Variants in TUBA1A observed in about 807,000 individuals in gnomAD.
TUBA1A encodes the protein tubulin alpha 1a.
TUBA1A carries 7 observed loss-of-function variants against 34.6 expected under a neutral mutation model. The observed-to-expected ratio is 0.20, with a 90% CI of 0.11 to 0.38. The LOEUF is 0.38. TUBA1A is among the 10% of genes least tolerant of loss of function. The pLI, the probability that TUBA1A is intolerant of heterozygous loss-of-function variation, is 1.00. For synonymous variants in TUBA1A, 193 were observed against 210.2 expected (o/e 0.92, Z 0.71); for missense variants, 19 against 581.3 (o/e 0.03, Z 9.95).
Position 49,186,196 on chromosome 12 carries a change from T to C in TUBA1A, c.375+114A>G, listed in dbSNP as rs1942178278. On this transcript the variant is annotated intron_variant, in intron 3 of 3. Coordinates refer to ENST00000301071, the MANE Select transcript of TUBA1A (RefSeq NM_006009.4). The surrounding 1 kb of genome is among the most constrained non-coding windows in gnomAD (Gnocchi z 6.6). Reference sequence around the variant, plus strand: ...ATTTTAAAAACCCCAAAAGAATGACTCATTCCACTCTTTATTAAAATAACA... The same window carrying C: ...ATTTTAAAAACCCCAAAAGAATGACCCATTCCACTCTTTATTAAAATAACA... 1 of 1,599,766 alleles carries C rather than the reference T, an allele frequency of 6.3e-7. No homozygotes were observed. The highest frequency in any genetic ancestry group is 1.3e-5 in the African/African-American group (1 of 74,466).
chr12:49,188,160 T>C lies in TUBA1A; in HGVS notation c.3+817A>G, dbSNP rs1481827538. The C allele has an allele frequency of 1.0e-6, 1 of 983,564 alleles. No individual in the cohort carries two copies. The highest frequency in any genetic ancestry group is 1.8e-5 in the African/African-American group (1 of 56,400). The allele number at this position is 983,564 out of a possible 1,614,324, so 60.9% of individuals were successfully genotyped here. The stretch of plus-strand genomic sequence containing the variant: ...GTCCCCAGACCAGACATTAAAGAGC[T>C]TGTGAAGTGAATTATGATTTTGCTC... On this transcript the variant is annotated intron_variant, in intron 1 of 3. Transcript: ENST00000301071. The surrounding 1 kb of genome is among the most constrained non-coding windows in gnomAD (Gnocchi z 4.9).
At chr12:49,187,559 G>A (rs1277818086) in intron 1 of TUBA1A, 11 of 985,196 alleles carry the variant, frequency 1.1e-5, no homozygotes, top group Non-Finnish European at 1.3e-5. Flanking sequence ...AACGGGATGC[G>A]GAGTATAATT....
chr12:49,186,513 G>C lies in TUBA1A; in HGVS notation c.227-55C>G, dbSNP rs769814010. The C allele has an allele frequency of 1.6e-5, 25 of 1,612,700 alleles. No individual in the cohort carries two copies. Among genetic ancestry groups the C allele is most frequent in the African/African-American group, 1.1e-4 (8 of 74,834 alleles). On this transcript the variant is annotated intron_variant, in intron 2 of 3. Transcript: ENST00000301071. This position sits in a 1 kb window ranked among gnomAD's most constrained non-coding sequence, Gnocchi z 6.6. ...GGGAGGAGGAGGAGGGACGAGGAGC[G>C]GGGAGGGAGAGTGGGTGAGTGACCA...
Position 49,186,014 on chromosome 12 carries a change from G to A in TUBA1A, c.376-24C>T, listed in dbSNP as rs1942176442. 1 of 1,613,860 alleles carries A rather than the reference G, an allele frequency of 6.2e-7. No homozygotes were observed. The highest frequency in any genetic ancestry group is 8.5e-7 in the Non-Finnish European group (1 of 1,179,990). ...GCCTATAACAAAAGAGAGGAACAGAGGAAAGGTTAAGTTTTTATTCTTTGT... is the reference window on the plus strand; with the variant it reads ...GCCTATAACAAAAGAGAGGAACAGAAGAAAGGTTAAGTTTTTATTCTTTGT... On this transcript the variant is annotated intron_variant, in intron 3 of 3. Coordinates refer to ENST00000301071, the MANE Select transcript of TUBA1A (RefSeq NM_006009.4). The surrounding 1 kb of genome is among the most constrained non-coding windows in gnomAD (Gnocchi z 6.6).
In TUBA1A at chr12:49,186,139, C is replaced by A; in HGVS notation, c.376-149G>T. The A allele has an allele frequency of 6.6e-7, 1 of 1,522,718 alleles. No homozygotes were observed. Among genetic ancestry groups the A allele is most frequent in the South Asian group, 1.2e-5 (1 of 81,126 alleles). The allele number at this position is 1,522,718 out of a possible 1,614,324, so 94.3% of individuals were successfully genotyped here. Reference sequence around the variant, plus strand: ...TTTAAAAAATTCTCATTAACATTTACAAAATGACATCAAATAGTTCATTTT... The same window carrying A: ...TTTAAAAAATTCTCATTAACATTTAAAAAATGACATCAAATAGTTCATTTT... On this transcript the variant is annotated intron_variant, in intron 3 of 3. Transcript: ENST00000301071. This position sits in a 1 kb window ranked among gnomAD's most constrained non-coding sequence, Gnocchi z 6.6.
At position 49,189,023 on chromosome 12, in the gene TUBA1A, G is replaced by T. The variant is rs1234341950; in HGVS notation, c.-44C>A. ...GCCGAGCTGATGGCGGAGACGAAGA[G>T]GAGAGGTTGTTGCTTCTTACAGCGC... is the stretch of plus-strand genomic sequence containing the variant. On this transcript the variant is annotated 5_prime_UTR_variant, in exon 1 of 4. Transcript: ENST00000301071. The T allele has an allele frequency of 6.2e-7, 1 of 1,613,726 alleles. No individual in the cohort carries two copies. The highest frequency in any genetic ancestry group is 1.7e-5 in the Admixed American group (1 of 60,014).
In TUBA1A at chr12:49,187,618, T is replaced by C. The variant is rs1942197237; in HGVS notation, c.4-785A>G. The C allele has an allele frequency of 4.1e-6, 4 of 984,118 alleles. No homozygotes were observed. The South Asian group carries it at 1.9e-4, about 46-fold the overall frequency. 61.0% of individuals were successfully genotyped at this position (984,118 alleles called of 1,614,324 possible). On this transcript the variant is annotated intron_variant, in intron 1 of 3. Coordinates refer to ENST00000301071, the MANE Select transcript of TUBA1A (RefSeq NM_006009.4). ...TTACTTTTTTTTTTAAAAAAAAAGG[T>C]TTTTCCAGATCTTCTCCACTGTAAA...
Position 49,188,021 on chromosome 12 carries a change from CAG to C in TUBA1A, c.3+954_3+955del, listed in dbSNP as rs1346596180. 4.8e-4 allele frequency: 472 copies of C among 977,540 alleles called. 2 individuals are homozygous for C. In the African/African-American group the frequency reaches 7.6e-3, roughly 16 times the overall value. The allele number at this position is 977,540 out of a possible 1,614,324, so 60.6% of individuals were successfully genotyped here. On this transcript the variant is annotated intron_variant, in intron 1 of 3. Transcript: ENST00000301071. This position sits in a 1 kb window ranked among gnomAD's most constrained non-coding sequence, Gnocchi z 4.9. ...TGAACGTGCAGTCCAGACAGACAGACAGACACACACACACACACACACACACT... is the reference window on the plus strand; with the variant it reads ...TGAACGTGCAGTCCAGACAGACAGACACACACACACACACACACACACACT...
intron 1 of TUBA1A, chr12:49,187,702 C>G: frequency 2.8e-5 from 27 of 970,538 alleles, no homozygotes; most frequent in Non-Finnish European, 3.3e-5. Flanking sequence ...AAGTTAGAAA[C>G]AAGCATCACA....
At position 49,186,501 on chromosome 12, in the gene TUBA1A, G is replaced by C; in HGVS notation, c.227-43C>G. The C allele has an allele frequency of 1.9e-6, 3 of 1,612,846 alleles. No individual in the cohort carries two copies. In the South Asian group the frequency reaches 3.3e-5, roughly 18 times the overall value. On this transcript the variant is annotated intron_variant, in intron 2 of 3. Coordinates refer to ENST00000301071, the MANE Select transcript of TUBA1A (RefSeq NM_006009.4). This position sits in a 1 kb window ranked among gnomAD's most constrained non-coding sequence, Gnocchi z 6.6. ...GGAGGAGCAGGGGGGAGGAGGAGGA[G>C]GGACGAGGAGCGGGGAGGGAGAGTG...
rs749375580 is a variant in TUBA1A at position 49,186,645 on chromosome 12, C to T, written c.192G>A (p.Arg64=). ...TGGGTTCCAAGTCTACAAACACTGC[C>T]CGGGGCACATGCTTGCCAGCCCCCG... is the stretch of plus-strand genomic sequence containing the variant. ...SETGAGKHVP[R]AVFVDLEPTV... The change falls in exon 2 of 4, where the codon CGG becomes CGA. Residue 64 remains arginine (R), a synonymous_variant. Transcript: ENST00000301071. This position sits in a 1 kb window ranked among gnomAD's most constrained non-coding sequence, Gnocchi z 6.6. 9 of 1,614,164 alleles carry T rather than the reference C, an allele frequency of 5.6e-6. No individual in the cohort carries two copies. The highest frequency in any genetic ancestry group is 5.5e-5 in the South Asian group (5 of 91,076).
chr12:49,188,901 C>A lies in TUBA1A; in HGVS notation c.3+76G>T, dbSNP rs1274988700. 11 of 1,613,830 alleles carry A rather than the reference C, an allele frequency of 6.8e-6. No individual in the cohort carries two copies. Among genetic ancestry groups the A allele is most frequent in the Non-Finnish European group, 9.3e-6 (11 of 1,180,026 alleles). On this transcript the variant is annotated intron_variant, in intron 1 of 3. Coordinates refer to ENST00000301071, the MANE Select transcript of TUBA1A (RefSeq NM_006009.4). This position sits in a 1 kb window ranked among gnomAD's most constrained non-coding sequence, Gnocchi z 4.9. ...CCAGAGAGCTTACGAAAGAAAAGAG[C>A]TTAAAGGTTTTCCAAGTAGAGCCTG...
chr12:49,187,468 C>A, intron 1 of TUBA1A: 2 of 986,440 alleles, frequency 2.0e-6, no homozygotes, highest in Non-Finnish European at 2.4e-6. Flanking sequence ...TGCTGTTTTG[C>A]CAGTTTTCCT....
rs1196674984 is a variant in TUBA1A, at chr12:49,188,072, C to CCA, written c.3+903_3+904dup. On this transcript the variant is annotated intron_variant, in intron 1 of 3. Transcript: ENST00000301071. The surrounding 1 kb of genome is among the most constrained non-coding windows in gnomAD (Gnocchi z 4.9). Reference sequence around the variant, plus strand: ...CTTCAGTCGGTCAGGGCAGGGCGTCCCACAGACACACACACACACACACAC... The same window carrying CCA: ...CTTCAGTCGGTCAGGGCAGGGCGTCCCACACAGACACACACACACACACACAC... The CCA allele has an allele frequency of 1.6e-5, 14 of 862,742 alleles. No homozygotes were observed. In the Admixed American group the frequency reaches 9.7e-4, roughly 59 times the overall value. 53.4% of individuals were successfully genotyped at this position (862,742 alleles called of 1,614,324 possible). A position where few individuals can be genotyped will look rare whatever the true frequency, so the allele number is the denominator to read the frequency against.
In TUBA1A at chr12:49,186,550, C is replaced by G. The variant is rs1241068056; in HGVS notation, c.226+61G>C. On this transcript the variant is annotated intron_variant, in intron 2 of 3. Coordinates refer to ENST00000301071, the MANE Select transcript of TUBA1A (RefSeq NM_006009.4). The surrounding 1 kb of genome is among the most constrained non-coding windows in gnomAD (Gnocchi z 6.6). ...TGGGTGAGTGACCAGCGGAGCCCCC[C>G]AGGACAGACCTCCTGTCCCAGCACC... 6.2e-7 allele frequency: 1 copy of G among 1,612,508 alleles called. No individual in the cohort carries two copies. Among genetic ancestry groups the G allele is most frequent in the Non-Finnish European group, 8.5e-7 (1 of 1,178,730 alleles).
rs1188464126 is a variant in TUBA1A, at chr12:49,188,434, G to A, written c.3+543C>T. On this transcript the variant is annotated intron_variant, in intron 1 of 3. Transcript: ENST00000301071. This position sits in a 1 kb window ranked among gnomAD's most constrained non-coding sequence, Gnocchi z 4.9. ...AAACTCACCATGTTTTCCCGGGAAT[G>A]TGTGGGTATCTTTCCAAAACGCCAA... 4 of 1,535,838 alleles carry A rather than the reference G, an allele frequency of 2.6e-6. No homozygotes were observed. The African/African-American group carries it at 5.5e-5, about 21-fold the overall frequency.
Position 49,185,001 on chromosome 12 carries a change from GT to G in TUBA1A, c.*8del, listed in dbSNP as rs1376412644. On this transcript the variant is annotated 3_prime_UTR_variant, in exon 4 of 4. Transcript: ENST00000301071. The stretch of plus-strand genomic sequence containing the variant: ...CCTGTAAAAGCAGCACCTTTGTGAC[GT>G]TTTAACTTTAGTATTCCTCTCCTTC... 6.2e-7 allele frequency: 1 copy of G among 1,613,900 alleles called. No homozygotes were observed. Among genetic ancestry groups the G allele is most frequent in the Non-Finnish European group, 8.5e-7 (1 of 1,179,932 alleles).
chr12:49,188,957 G>A lies in TUBA1A; in HGVS notation c.3+20C>T, dbSNP rs1942218691. The A allele has an allele frequency of 3.7e-6, 6 of 1,614,228 alleles. No homozygotes were observed. Among genetic ancestry groups the A allele is most frequent in the Non-Finnish European group, 5.1e-6 (6 of 1,180,048 alleles). On this transcript the variant is annotated intron_variant, in intron 1 of 3. Coordinates refer to ENST00000301071, the MANE Select transcript of TUBA1A (RefSeq NM_006009.4). This position sits in a 1 kb window ranked among gnomAD's most constrained non-coding sequence, Gnocchi z 4.9. ...GCTGACTCCACCCAACGGCCACAAA[G>A]AGCCGAAGCCGATTCTCACCATGGT...
chr12:49,187,272 A>G, intron 1 of TUBA1A: 1 of 1,088,806 alleles, frequency 9.2e-7, no homozygotes, highest in Non-Finnish European at 1.1e-6. Flanking sequence ...ACTGCAGCTG[A>G]GGCAAGAAGC....
Sources: allele counts gnomAD v4.1 joint callset, GRCh38; gene constraint gnomAD v4.1.1; non-coding constraint Gnocchi (gnomAD v3.1); transcripts MANE v1.5; gene names NCBI Gene and HGNC (gene_info 2026-07-23, HGNC 2026-07-21).